Variants in BASP1 observed in about 807,000 individuals in gnomAD.
The protein encoded by BASP1 is brain abundant membrane attached signal protein 1.
In BASP1, 1 loss-of-function variant was observed where a neutral mutation model predicts 2.2. The observed-to-expected ratio is 0.46, with a 90% CI of 0.16 to 2.17. The LOEUF (loss-of-function observed/expected upper bound fraction) is 2.17. Ranked by LOEUF, BASP1 falls within the 30% of genes most tolerant of loss-of-function variation. The probability of loss-of-function intolerance (pLI) is 0.27; values close to 1 mark genes in which losing one functional copy is unlikely to be tolerated. For synonymous variants in BASP1, 187 were observed against 154.2 expected (o/e 1.21, Z -1.58); for missense variants, 352 against 327.2 (o/e 1.08, Z -0.58).
rs191428192 is a variant in BASP1, at chr5:17,237,142, C to G, written c.-10+19332C>G. Among the ~76,000 whole-genome samples the G allele has an allele frequency of 5.2e-3, 789 of 152,104 alleles. 5 individuals are homozygous for G. Among genetic ancestry groups the G allele is most frequent in the Admixed American group, 8.8e-3 (134 of 15,282 alleles). ...GGGCGGATCACGAGGTTAGGAGATC[C>G]AGACCATCCTGGCTAACACGTGAAA... On this transcript the variant is annotated intron_variant, in intron 1 of 1. Transcript: ENST00000322611.
intron 1 of BASP1, among the ~76,000 whole-genome samples, chr5:17,259,854 C>G (rs1740282302): frequency 6.6e-6 from 1 of 152,208 alleles, no homozygotes; most frequent in Non-Finnish European, 1.5e-5. Context: ...TAAGAAGCAG[C>G]AGAAATATCT....
At chr5:17,257,097 C>T (rs1356317381) in intron 1 of BASP1, among the ~76,000 whole-genome samples, 1 of 152,128 alleles carries the variant, frequency 6.6e-6, no homozygotes, top group Non-Finnish European at 1.5e-5. Context: ...CATTTTGAGG[C>T]TCATTCTCCC....
At chr5:17,262,711 A>G (rs1227561571) in intron 1 of BASP1, among the ~76,000 whole-genome samples, 2 of 152,126 alleles carry the variant, frequency 1.3e-5, no homozygotes, top group Non-Finnish European at 2.9e-5. Flanking sequence ...CCTTCTCTTG[A>G]TAACGTTTGA....
intron 1 of BASP1, among the ~76,000 whole-genome samples, chr5:17,266,985 C>T (rs1340643473): frequency 6.6e-6 from 1 of 152,190 alleles, no homozygotes; most frequent in African/African-American, 2.4e-5. Flanking sequence ...GGGCTGAGAA[C>T]TTTTCCCACT....
rs569025258 is a variant in BASP1 at position 17,222,585 on chromosome 5, A to G, written c.-10+4775A>G. Among the ~76,000 whole-genome samples, 3 of 152,344 alleles carry G rather than the reference A, an allele frequency of 2.0e-5. No homozygotes were observed. The East Asian group carries it at 5.8e-4, about 29-fold the overall frequency. On this transcript the variant is annotated intron_variant, in intron 1 of 1. Coordinates refer to ENST00000322611, the MANE Select transcript of BASP1 (RefSeq NM_006317.5). The stretch of plus-strand genomic sequence containing the variant: ...TGTAATTTTGAGGAGCCACAAGCCT[A>G]AGAAGGAAGCAGTGTGATTAAAACA...
rs1001778614 is a variant in BASP1 at position 17,237,453 on chromosome 5, G to C, written c.-10+19643G>C. On this transcript the variant is annotated intron_variant, in intron 1 of 1. Transcript: ENST00000322611. The stretch of plus-strand genomic sequence containing the variant: ...GAATGCTTTTCTGGATTAAAGCACA[G>C]ACTGAGAACCTGTTCTTAACATTAG... Among the ~76,000 whole-genome samples the C allele has an allele frequency of 1.1e-4, 17 of 152,312 alleles. 1 individual carries two copies. The highest frequency in any genetic ancestry group is 7.8e-4 in the Admixed American group (12 of 15,302).
chr5:17,255,693 C>T (rs1234552401), intron 1 of BASP1, among the ~76,000 whole-genome samples: 2 of 152,202 alleles, frequency 1.3e-5, no homozygotes, highest in African/African-American at 4.8e-5. Context: ...AGAATCATCA[C>T]TGAGGCAGAG....
In BASP1 at chr5:17,251,533, C is replaced by T. The variant is rs1740102220; in HGVS notation, c.-9-23675C>T. On this transcript the variant is annotated intron_variant, in intron 1 of 1. Transcript: ENST00000322611. This position sits in a 1 kb window ranked among gnomAD's most constrained non-coding sequence, Gnocchi z 4.0. ...AAGGGTCCAAACAGCGGCTGGAGCT[C>T]CAACTGTCTTTGTCTAGCAGCAGGA... 6.6e-6 allele frequency among the ~76,000 whole-genome samples: 1 copy of T among 152,186 alleles called. No homozygotes were observed. The highest frequency in any genetic ancestry group is 2.4e-5 in the African/African-American group (1 of 41,450).
intron 1 of BASP1, among the ~76,000 whole-genome samples, chr5:17,233,668 A>G (rs765670922): frequency 2.0e-5 from 3 of 152,050 alleles, no homozygotes; most frequent in Admixed American, 6.5e-5. Context: ...ATGACATGGT[A>G]TCGATGGTTG....
At chr5:17,229,051 G>A (rs991405212) in intron 1 of BASP1, among the ~76,000 whole-genome samples, 2 of 152,110 alleles carry the variant, frequency 1.3e-5, no homozygotes, top group African/African-American at 2.4e-5. Context: ...ATCACACAGC[G>A]TGGCAAACCA....
intron 1 of BASP1, among the ~76,000 whole-genome samples, chr5:17,256,564 T>C (rs1740215142): frequency 6.6e-6 from 1 of 152,220 alleles, no homozygotes; most frequent in African/African-American, 2.4e-5. Context: ...AGGATACAAT[T>C]CTAGTCATTT....
At chr5:17,229,673 T>C (rs899258919) in intron 1 of BASP1, among the ~76,000 whole-genome samples, 8 of 152,294 alleles carry the variant, frequency 5.3e-5, no homozygotes, top group African/African-American at 1.9e-4. Flanking sequence ...TCTCCTCCTG[T>C]GTCTACTCAG....
At position 17,275,592 on chromosome 5, in the gene BASP1, G is replaced by A. The variant is rs551496872; in HGVS notation, c.376G>A (p.Ala126Thr). Residue 126 changes from alanine (A) to threonine (T), a missense_variant, in exon 2 of 2, where the codon GCC becomes ACC. Ala to Thr is a moderately conservative substitution (Grantham distance 58). Transcript: ENST00000322611. This position sits in a 1 kb window ranked among gnomAD's most constrained non-coding sequence, Gnocchi z 5.3. ...GGEAPKAAEAAAAPAESAAPA... is the reference protein window; with the variant it reads ...GGEAPKAAEATAAPAESAAPA... Reference sequence around the variant, plus strand: ...CGAGGCCCCCAAAGCTGCTGAGGCCGCCGCGGCCCCGGCCGAGAGCGCGGC... The same window carrying A: ...CGAGGCCCCCAAAGCTGCTGAGGCCACCGCGGCCCCGGCCGAGAGCGCGGC... The A allele has an allele frequency of 3.6e-6, 5 of 1,402,828 alleles. No homozygotes were observed. Among genetic ancestry groups the A allele is most frequent in the Admixed American group, 3.6e-5 (1 of 27,852 alleles). 86.9% of individuals were successfully genotyped at this position (1,402,828 alleles called of 1,614,324 possible). A position where few individuals can be genotyped will look rare whatever the true frequency, so the allele number is the denominator to read the frequency against.
At position 17,276,074 on chromosome 5, in the gene BASP1, A is replaced by AT; in HGVS notation, c.*174_*175insT. Reference sequence around the variant, plus strand: ...TGGAAGTAATGATATGTATTGCCCAAGGAAAAATACAGGATGTTGTCCCAT... The same window carrying AT: ...TGGAAGTAATGATATGTATTGCCCAATGGAAAAATACAGGATGTTGTCCCAT... On this transcript the variant is annotated 3_prime_UTR_variant, in exon 2 of 2. Coordinates refer to ENST00000322611, the MANE Select transcript of BASP1 (RefSeq NM_006317.5). 2.6e-6 allele frequency: 1 copy of AT among 381,604 alleles called. No individual in the cohort carries two copies. The highest frequency in any genetic ancestry group is 4.5e-6 in the Non-Finnish European group (1 of 220,150). 23.6% of individuals were successfully genotyped at this position (381,604 alleles called of 1,614,324 possible).
chr5:17,223,580 A>T (rs1304857954), intron 1 of BASP1, among the ~76,000 whole-genome samples: 1 of 152,186 alleles, frequency 6.6e-6, no homozygotes, highest in Admixed American at 6.5e-5. Context: ...ATGTGGACTA[A>T]GTTTCAAAAG....
chr5:17,271,548 T>G (rs574344813), intron 1 of BASP1, among the ~76,000 whole-genome samples: 1 of 152,224 alleles, frequency 6.6e-6, no homozygotes. Flanking sequence ...TGAATTTTGT[T>G]GCTGTGCTAC....
intron 1 of BASP1, among the ~76,000 whole-genome samples, chr5:17,258,084 G>A (rs1740249320): frequency 6.6e-6 from 1 of 152,182 alleles, no homozygotes; most frequent in Non-Finnish European, 1.5e-5. Flanking sequence ...GGCTGCTGGG[G>A]AAATTCTGAT....
intron 1 of BASP1, among the ~76,000 whole-genome samples, chr5:17,230,107 A>G (rs1739602639): frequency 6.6e-6 from 1 of 152,068 alleles, no homozygotes; most frequent in Non-Finnish European, 1.5e-5. Flanking sequence ...TCATTTTAAA[A>G]TCTCCTACCC....
intron 1 of BASP1, among the ~76,000 whole-genome samples, chr5:17,229,961 T>A (rs1445590727): frequency 6.6e-6 from 1 of 152,080 alleles, no homozygotes; most frequent in Non-Finnish European, 1.5e-5. Context: ...TTTTTTGTAT[T>A]TTTAGTAGAG....
Sources: allele counts gnomAD v4.1 joint callset (sites outside exome capture counted in the v4.1 genomes callset), GRCh38; gene constraint gnomAD v4.1.1; non-coding constraint Gnocchi (gnomAD v3.1); transcripts MANE v1.5; gene names NCBI Gene and HGNC (gene_info 2026-07-23, HGNC 2026-07-21).